The following FBXL5 variants were observed in gnomAD, a reference collection of about 807,000 sequenced individuals.
FBXL5 encodes F-box and leucine rich repeat protein 5.
In FBXL5, 26 loss-of-function variants were observed where a neutral mutation model predicts 78.3. That is an observed-to-expected ratio of 0.33 (90% confidence interval 0.24 to 0.46). FBXL5 has a LOEUF of 0.46. FBXL5 is among the 20% of genes least tolerant of loss of function. The pLI, the probability that FBXL5 is intolerant of heterozygous loss-of-function variation, is 1.00. For synonymous variants in FBXL5, 295 were observed against 282.5 expected (o/e 1.04, Z -0.45); for missense variants, 710 against 829.2 (o/e 0.86, Z 1.77).
intron 1 of FBXL5, among the ~76,000 whole-genome samples, chr4:15,653,601 G>C (rs755759057): frequency 1.3e-5 from 2 of 151,934 alleles, no homozygotes; most frequent in Non-Finnish European, 2.9e-5. Context: ...AGAAAACCTT[G>C]GATTCTGTTA....
chr4:15,650,963 T>TG (rs1399630838), intron 1 of FBXL5, among the ~76,000 whole-genome samples: 1 of 152,136 alleles, frequency 6.6e-6, no homozygotes, highest in Non-Finnish European at 1.5e-5. Context: ...CATTCTACAG[T>TG]GATAAATCAA....
chr4:15,605,950 T>C (rs1721856550), intron 10 of FBXL5, 151 bp from the exon 11 acceptor site: 1 of 605,014 alleles, frequency 1.7e-6, no homozygotes, highest in East Asian at 3.0e-5. Flanking sequence ...AAGAAATTAT[T>C]CAGACACAAA....
chr4:15,656,369 A>G (rs1036578089), upstream of FBXL5: 6 of 445,622 alleles, frequency 1.3e-5, no homozygotes, highest in Middle Eastern at 3.5e-4. Flanking sequence ...ATAGGAGAAA[A>G]CAGGGAAGCC....
chr4:15,655,350 C>CCATGATTGAA lies in FBXL5; in HGVS notation c.-64_-63insTTCAATCATG. 4.8e-6 allele frequency: 6 copies of CCATGATTGAA among 1,257,424 alleles called. No individual in the cohort carries two copies. The African/African-American group carries it at 7.9e-5, about 17-fold the overall frequency. The allele number at this position is 1,257,424 out of a possible 1,614,324, so 77.9% of individuals were successfully genotyped here. A position where few individuals can be genotyped will look rare whatever the true frequency, so the allele number is the denominator to read the frequency against. On this transcript the variant is annotated 5_prime_UTR_variant, in exon 1 of 11. In the 5' UTR this introduces an upstream ATG that the reference lacks. Transcript: ENST00000341285. ...GCCGCCTCTCCATAGACACCCTCGC[C>CCATGATTGAA]GCGGGGCAGAGGCGGCGCGCCCCCT...
Position 15,630,739 on chromosome 4 carries a change from TTCA to T in FBXL5, c.816_818del (p.Asp272del). On this transcript the variant is annotated inframe_deletion, in exon 6 of 11. Transcript: ENST00000341285. Reference sequence around the variant, plus strand: ...TTTCATCTTTCCTATTTTTCACCCATTCATCATCAGGTTCAGTATCAAGTTCAG... The same window carrying T: ...TTTCATCTTTCCTATTTTTCACCCATTCATCAGGTTCAGTATCAAGTTCAG... 6.2e-7 allele frequency: 1 copy of T among 1,609,930 alleles called. No individual in the cohort carries two copies. The highest frequency in any genetic ancestry group is 8.5e-7 in the Non-Finnish European group (1 of 1,178,848).
At chr4:15,663,663 T>C (rs537174712), upstream of FBXL5, among the ~76,000 whole-genome samples, 2 of 152,350 alleles carry the variant, frequency 1.3e-5, no homozygotes, top group South Asian at 4.1e-4. Context: ...TGAGATTATA[T>C]AGTCAAAGAG....
intron 8 of FBXL5, among the ~76,000 whole-genome samples, chr4:15,626,556 C>A (rs1319826509): frequency 6.6e-6 from 1 of 152,152 alleles, no homozygotes; most frequent in African/African-American, 2.4e-5. Context: ...GGGAGCTTTG[C>A]CAAATGGCAC....
At chr4:15,630,636 T>C (rs199939128) in intron 6 of FBXL5, 30 bp downstream of exon 6, 218 of 1,522,868 alleles carry the variant, frequency 1.4e-4, no homozygotes, top group Non-Finnish European at 1.4e-4. Flanking sequence ...TAAAACACTA[T>C]GTAATAATTT....
At chr4:15,615,079 A>G (rs528285776) in intron 9 of FBXL5, among the ~76,000 whole-genome samples, 19 of 152,258 alleles carry the variant, frequency 1.2e-4, no homozygotes, top group African/African-American at 4.3e-4. Flanking sequence ...CGGAGGGTGT[A>G]CTGGGTCCCC....
At chr4:15,612,099 A>C (rs544285459) in intron 10 of FBXL5, 167 bp downstream of exon 10, 1 of 524,154 alleles carries the variant, frequency 1.9e-6, no homozygotes, top group East Asian at 3.5e-5. Flanking sequence ...TCAAGATGTT[A>C]ATTAATGAAA....
rs903036267 is a variant in FBXL5, at chr4:15,655,344, C to T, written c.-57G>A. Reference sequence around the variant, plus strand: ...GCGGCCGCCGCCTCTCCATAGACACCCTCGCCGCGGGGCAGAGGCGGCGCG... The same window carrying T: ...GCGGCCGCCGCCTCTCCATAGACACTCTCGCCGCGGGGCAGAGGCGGCGCG... On this transcript the variant is annotated 5_prime_UTR_variant, in exon 1 of 11. Coordinates refer to ENST00000341285, the MANE Select transcript of FBXL5 (RefSeq NM_012161.4). The T allele has an allele frequency of 7.0e-6, 9 of 1,286,940 alleles. No individual in the cohort carries two copies. The highest frequency in any genetic ancestry group is 9.1e-6 in the Non-Finnish European group (9 of 985,512). The allele number at this position is 1,286,940 out of a possible 1,614,324, so 79.7% of individuals were successfully genotyped here.
At chr4:15,615,242 C>T (rs946117496) in intron 9 of FBXL5, among the ~76,000 whole-genome samples, 1 of 152,170 alleles carries the variant, frequency 6.6e-6, no homozygotes, top group East Asian at 1.9e-4. Flanking sequence ...CCAACGAGCA[C>T]TACCCCCTGC....
chr4:15,674,204 G>GTTT (rs35166916), intron 1 of FBXL5, among the ~76,000 whole-genome samples: 1 of 140,214 alleles, frequency 7.1e-6, no homozygotes, highest in South Asian at 2.3e-4. Flanking sequence ...AATGCATCGT[G>GTTT]TTTTTTTTTT....
At chr4:15,622,620 A>G (rs1310534893) in intron 9 of FBXL5, among the ~76,000 whole-genome samples, 2 of 152,100 alleles carry the variant, frequency 1.3e-5, no homozygotes, top group Non-Finnish European at 2.9e-5. Context: ...GTCTATTTCT[A>G]CCATTAGATT....
Position 15,655,219 on chromosome 4 carries a change from C to G in FBXL5, c.69G>C (p.Gly23=). The G allele has an allele frequency of 7.0e-7, 1 of 1,434,314 alleles. No homozygotes were observed. Among genetic ancestry groups the G allele is most frequent in the Non-Finnish European group, 9.3e-7 (1 of 1,073,150 alleles). The allele number at this position is 1,434,314 out of a possible 1,614,324, so 88.8% of individuals were successfully genotyped here. A position where few individuals can be genotyped will look rare whatever the true frequency, so the allele number is the denominator to read the frequency against. ...GCTCCGTTACCTTGTCGCAGTAGAG[C>G]CCCACCAGCTGCTTCATCCGCCAGT... ...APHWRMKQLV[G]LYCDKLSKTN... is the part of the protein sequence containing the mutation. Residue 23 remains glycine, a synonymous_variant, in exon 1 of 11, where the codon GGG becomes GGC. Coordinates refer to ENST00000341285, the MANE Select transcript of FBXL5 (RefSeq NM_012161.4).
At chr4:15,646,944 T>C (rs1715421470) in intron 1 of FBXL5, among the ~76,000 whole-genome samples, 1 of 151,774 alleles carries the variant, frequency 6.6e-6, no homozygotes, top group African/African-American at 2.4e-5. Context: ...TGAAAAAGGC[T>C]GGGCATGGTG....
rs753215303 is a variant in FBXL5, at chr4:15,640,892, C to CA, written c.301-10dup. 4,613 of 1,199,800 alleles carry CA rather than the reference C, an allele frequency of 3.8e-3. No homozygotes were observed. The highest frequency in any genetic ancestry group is 4.7e-3 in the South Asian group (262 of 56,020). 74.3% of individuals were successfully genotyped at this position (1,199,800 alleles called of 1,614,324 possible). A position where few individuals can be genotyped will look rare whatever the true frequency, so the allele number is the denominator to read the frequency against. On this transcript the variant is annotated splice_polypyrimidine_tract_variant and intron_variant, in intron 2 of 10. Transcript: ENST00000341285. ...AACTGTTCATATTCATTCTGGAAACCAAAAAAAAAATACATTTTTATAAAA... is the reference window on the plus strand; with the variant it reads ...AACTGTTCATATTCATTCTGGAAACCAAAAAAAAAAATACATTTTTATAAAA...
chr4:15,659,731 C>T (rs184309739), upstream of FBXL5: 25 of 985,056 alleles, frequency 2.5e-5, no homozygotes, highest in East Asian at 6.8e-4. Flanking sequence ...ACCTACCTTG[C>T]GTCATTTACC....
chr4:15,639,329 G>A (rs897175962), intron 3 of FBXL5, among the ~76,000 whole-genome samples: 2 of 152,110 alleles, frequency 1.3e-5, no homozygotes, highest in Admixed American at 6.5e-5. Context: ...CTGCCTTCTG[G>A]TACTAGAGTA....
Sources: gnomAD v4.1 joint callset for allele counts (sites outside exome capture counted in the v4.1 genomes callset) on GRCh38, gnomAD v4.1.1 for gene constraint, MANE v1.5 for transcripts, NCBI Gene and HGNC (gene_info 2026-07-23, HGNC 2026-07-21) for gene names.